GRIN2A: variants seen among roughly 807,000 people sequenced by gnomAD.
GRIN2A encodes glutamate ionotropic receptor NMDA type subunit 2A.
A neutral mutation model predicts 113.4 loss-of-function variants in GRIN2A; 22 were observed. The observed-to-expected ratio is 0.19, with a 90% CI of 0.14 to 0.28. The LOEUF (loss-of-function observed/expected upper bound fraction) is 0.28. Ranked by LOEUF, GRIN2A falls within the 10% of genes least tolerant of loss-of-function variation. The pLI is 1.00. For missense variants in GRIN2A, 1,502 were observed against 1,887.0 expected (o/e 0.80, Z 3.78); for synonymous variants, 827 against 738.4 (o/e 1.12, Z -1.94).
chr16:9,914,905 CTTTTTTTTTTTTTTTTT>C (rs869182389), intron 3 of GRIN2A, among the ~76,000 whole-genome samples: 26 of 33,464 alleles, frequency 7.8e-4, no homozygotes, highest in Admixed American at 2.4e-3. Context: ...GATTATGCAG[CTTTTTTTTTTTTTTTTT>C]TTTTTTTTTT....
chr16:9,968,962 G>A (rs1376757020), intron 2 of GRIN2A, among the ~76,000 whole-genome samples: 1 of 152,086 alleles, frequency 6.6e-6, no homozygotes, highest in Non-Finnish European at 1.5e-5. Context: ...TATTAATAAT[G>A]TATCTTATTC....
chr16:10,114,463 C>T (rs1213081285), intron 2 of GRIN2A, among the ~76,000 whole-genome samples: 1 of 152,176 alleles, frequency 6.6e-6, no homozygotes, highest in African/African-American at 2.4e-5. Flanking sequence ...AGGCCAGTCG[C>T]CCACAGAAGA....
At chr16:10,092,851 T>C (rs1258396330) in intron 2 of GRIN2A, among the ~76,000 whole-genome samples, 1 of 122,902 alleles carries the variant, frequency 8.1e-6, no homozygotes, top group Admixed American at 1.1e-4. Context: ...AAAGGCAGCA[T>C]GAAAAGTTGC....
chr16:10,100,037 T>C (rs1384479227), intron 2 of GRIN2A, among the ~76,000 whole-genome samples: 1 of 152,038 alleles, frequency 6.6e-6, no homozygotes, highest in Non-Finnish European at 1.5e-5. Flanking sequence ...AGTCAAGAAG[T>C]ATCAGCAGAA....
intron 2 of GRIN2A, among the ~76,000 whole-genome samples, chr16:10,114,198 A>G (rs906918895): frequency 9.9e-5 from 15 of 152,120 alleles, no homozygotes; most frequent in Non-Finnish European, 1.9e-4. Context: ...CTCTAAAGAC[A>G]CAAAAATAGA....
chr16:9,815,275 A>C lies in GRIN2A; in HGVS notation c.2168+6989T>G, dbSNP rs533799423. Among the ~76,000 whole-genome samples, 6 of 152,192 alleles carry C rather than the reference A, an allele frequency of 3.9e-5. No individual in the cohort carries two copies. In the East Asian group the frequency reaches 7.7e-4, roughly 20 times the overall value. On this transcript the variant is annotated intron_variant, in intron 10 of 12. Coordinates refer to ENST00000330684, the MANE Select transcript of GRIN2A (RefSeq NM_001134407.3). ...TCCCTAAATTTTTTTTTAAATGTGC[A>C]TCAAAAGACACTATCAATGTAATAG...
intron 4 of GRIN2A, among the ~76,000 whole-genome samples, chr16:9,852,462 G>A (rs9922678): frequency 0.37 from 55,622 of 151,986 alleles, 11,743 homozygotes; most frequent in African/African-American, 0.59. Flanking sequence ...TCCAACGCTC[G>A]CTCATGGAGA....
chr16:9,870,312 C>A (rs556860113), intron 4 of GRIN2A, among the ~76,000 whole-genome samples: 1 of 152,080 alleles, frequency 6.6e-6, no homozygotes, highest in African/African-American at 2.4e-5. Context: ...AACAGTGTGA[C>A]CTTATGCATA....
chr16:9,840,991 G>A lies in GRIN2A; in HGVS notation c.1442C>T (p.Thr481Ile), dbSNP rs747167223. 1 of 1,613,612 alleles carries A rather than the reference G, an allele frequency of 6.2e-7. No individual in the cohort carries two copies. The highest frequency in any genetic ancestry group is 1.3e-5 in the African/African-American group (1 of 74,976). ...VKFTYDLYLV[T>I]NGKHGKKVNN... ...AACTTTCTTGCCATGCTTCCCATTG[G>A]TCACCAGATAGAGGTCGTAAGTAAA... The change falls in exon 6 of 13, where the codon ACC becomes ATC. Residue 481 changes from threonine (T) to isoleucine (I), a missense_variant. Physicochemically the swap from Thr to Ile is moderately conservative, Grantham distance 89 (BLOSUM62 -1). Coordinates refer to ENST00000330684, the MANE Select transcript of GRIN2A (RefSeq NM_001134407.3).
chr16:10,009,403 G>A (rs538656358), intron 2 of GRIN2A, among the ~76,000 whole-genome samples: 2 of 152,298 alleles, frequency 1.3e-5, no homozygotes, highest in Admixed American at 6.5e-5. Context: ...GAGCTAAGAA[G>A]AGGTGAATTT....
At chr16:9,828,955 T>G (rs1318994420) in intron 9 of GRIN2A, among the ~76,000 whole-genome samples, 4 of 152,194 alleles carry the variant, frequency 2.6e-5, no homozygotes, top group African/African-American at 7.2e-5. Context: ...AAAGAGGAGC[T>G]GTCAGATAAT....
In GRIN2A at chr16:10,180,936, C is replaced by G. The variant is rs1438950820; in HGVS notation, c.-18-507G>C. ...GTGCGGAGGCGGCACCCAGACCCCG[C>G]GTCCCAGCTTGAGAGCTCAGCTAGT... is the stretch of plus-strand genomic sequence containing the variant. On this transcript the variant is annotated intron_variant, in intron 1 of 12. Coordinates refer to ENST00000330684, the MANE Select transcript of GRIN2A (RefSeq NM_001134407.3). The surrounding 1 kb of genome is among the most constrained non-coding windows in gnomAD (Gnocchi z 7.0). Among the ~76,000 whole-genome samples, 4 of 152,182 alleles carry G rather than the reference C, an allele frequency of 2.6e-5. No homozygotes were observed. The highest frequency in any genetic ancestry group is 2.1e-4 in the South Asian group (1 of 4,826).
At chr16:9,896,229 T>C (rs1054551775) in intron 3 of GRIN2A, among the ~76,000 whole-genome samples, 1 of 152,110 alleles carries the variant, frequency 6.6e-6, no homozygotes. Context: ...CTTATATTTT[T>C]AGTAGAGACA....
intron 2 of GRIN2A, among the ~76,000 whole-genome samples, chr16:9,994,105 C>G (rs1435483528): frequency 2.6e-5 from 4 of 152,204 alleles, no homozygotes; most frequent in Non-Finnish European, 5.9e-5. Flanking sequence ...GGCACAAACG[C>G]TCGGAAGTAA....
chr16:10,020,900 A>G (rs2046708381), intron 2 of GRIN2A, among the ~76,000 whole-genome samples: 1 of 152,212 alleles, frequency 6.6e-6, no homozygotes, highest in African/African-American at 2.4e-5. Flanking sequence ...TGGACAGACA[A>G]CTGAGATGCT....
chr16:10,126,392 C>T (rs906175523), intron 2 of GRIN2A, among the ~76,000 whole-genome samples: 2 of 152,078 alleles, frequency 1.3e-5, no homozygotes, highest in African/African-American at 4.8e-5. Context: ...GTCTCAAACT[C>T]CTGGCCTCAA....
At chr16:9,776,916 G>C (rs1901637213) in intron 11 of GRIN2A, among the ~76,000 whole-genome samples, 1 of 152,172 alleles carries the variant, frequency 6.6e-6, no homozygotes, top group South Asian at 2.1e-4. Flanking sequence ...TCTGAGTTGT[G>C]GTCCTGCAAT....
At chr16:9,918,985 C>T (rs1343455061) in intron 3 of GRIN2A, among the ~76,000 whole-genome samples, 1 of 151,914 alleles carries the variant, frequency 6.6e-6, no homozygotes, top group Non-Finnish European at 1.5e-5. Context: ...CTATCCTGAC[C>T]AACATGATGA....
intron 3 of GRIN2A, among the ~76,000 whole-genome samples, chr16:9,897,455 C>G (rs2043828830): frequency 6.6e-6 from 1 of 152,034 alleles, no homozygotes; most frequent in Non-Finnish European, 1.5e-5. Flanking sequence ...GTCCAATTCT[C>G]ACTAGGCCTG....
Sources: gnomAD v4.1 joint callset for allele counts (sites outside exome capture counted in the v4.1 genomes callset) on GRCh38, gnomAD v4.1.1 for gene constraint, Gnocchi (gnomAD v3.1) non-coding constraint, MANE v1.5 for transcripts, NCBI Gene and HGNC (gene_info 2026-07-23, HGNC 2026-07-21) for gene names.